CD320: variants seen among roughly 807,000 people sequenced by gnomAD.
CD320 encodes the protein CD320 antigen.
In CD320, 16 loss-of-function variants were observed where a neutral mutation model predicts 22.1. The observed-to-expected ratio is 0.73, with a 90% CI of 0.49 to 1.10. The LOEUF (loss-of-function observed/expected upper bound fraction) is 1.10. Among genes scored for constraint, CD320 ranks in the 50% least tolerant of loss-of-function variants. CD320 has a pLI of 0.00. For synonymous variants in CD320, 188 were observed against 167.8 expected (o/e 1.12, Z -0.93); for missense variants, 388 against 376.9 (o/e 1.03, Z -0.24).
intron 1 of CD320, 199 bp from the exon 2 acceptor site, chr19:8,305,355 G>T: frequency 1.7e-6 from 1 of 588,050 alleles, no homozygotes. Flanking sequence ...GAGCCCCACT[G>T]GGCAGGTGCT....
intron 1 of CD320, among the ~76,000 whole-genome samples, chr19:8,306,639 C>T (rs1970092042): frequency 6.6e-6 from 1 of 152,230 alleles, no homozygotes; most frequent in African/African-American, 2.4e-5. Context: ...CACTGCCAGC[C>T]CCTCCTCGGC....
chr19:8,308,357 G>T lies in CD320; in HGVS notation c.-67C>A. 1 of 1,542,608 alleles carries T rather than the reference G, an allele frequency of 6.5e-7. No homozygotes were observed. Among genetic ancestry groups the T allele is most frequent in the Non-Finnish European group, 8.7e-7 (1 of 1,149,896 alleles). On this transcript the variant is annotated 5_prime_UTR_variant, in exon 1 of 5. Coordinates refer to ENST00000301458, the MANE Select transcript of CD320 (RefSeq NM_016579.4). The stretch of plus-strand genomic sequence containing the variant: ...CTCTCTTATCCCTGCGCACGCGCAC[G>T]CGCGGGGTTGGGGCGGGGCCCAAGC...
chr19:8,306,985 C>T (rs1423386545), intron 1 of CD320, among the ~76,000 whole-genome samples: 1 of 152,134 alleles, frequency 6.6e-6, no homozygotes, highest in African/African-American at 2.4e-5. Context: ...CTGGGAATCC[C>T]TACCTCAACA....
Position 8,302,601 on chromosome 19 carries a change from C to T in CD320, c.711G>A (p.Val237=). The T allele has an allele frequency of 6.2e-7, 1 of 1,613,592 alleles. No individual in the cohort carries two copies. The change falls in exon 5 of 5, where the codon GTG becomes GTA. Residue 237 remains valine, a synonymous_variant. Coordinates refer to ENST00000301458, the MANE Select transcript of CD320 (RefSeq NM_016579.4). ...TAYGVIAAAA[V]LSASLVTATL... is the part of the protein sequence containing the mutation. ...TGGCGGTGACCAGGCTTGCACTGAG[C>T]ACCGCTGTGGGGAACAGATGGACAG...
chr19:8,303,747 C>T, intron 3 of CD320, 108 bp downstream of exon 3: 2 of 755,280 alleles, frequency 2.6e-6, no homozygotes, highest in South Asian at 1.5e-5. Flanking sequence ...CACAGGGATG[C>T]AGGCACGGGC....
chr19:8,302,704 AT>A, intron 4 of CD320, 72 bp downstream of exon 4: 1 of 1,603,698 alleles, frequency 6.2e-7, no homozygotes, highest in Non-Finnish European at 8.5e-7. Flanking sequence ...TCTGCAGCTC[AT>A]CCCTCCCCAC....
rs1289638676 is a variant in CD320, at chr19:8,308,321, T to G, written c.-31A>C. Reference sequence around the variant, plus strand: ...CCCCACAGCGGCGCCGGCCACGCGCTGTCCAGACCGCTCTCTTATCCCTGC... The same window carrying G: ...CCCCACAGCGGCGCCGGCCACGCGCGGTCCAGACCGCTCTCTTATCCCTGC... On this transcript the variant is annotated 5_prime_UTR_variant, in exon 1 of 5. Transcript: ENST00000301458. The G allele has an allele frequency of 6.3e-7, 1 of 1,578,626 alleles. No homozygotes were observed. Among genetic ancestry groups the G allele is most frequent in the South Asian group, 1.1e-5 (1 of 87,958 alleles).
In CD320 at chr19:8,304,013, T is replaced by C. The variant is rs939686446; in HGVS notation, c.344A>G (p.Asp115Gly). 12 of 1,567,696 alleles carry C rather than the reference T, an allele frequency of 7.7e-6. No homozygotes were observed. Among genetic ancestry groups the C allele is most frequent in the Non-Finnish European group, 1.7e-6 (2 of 1,156,088 alleles). ...GLPCPCTGVS[D>G]CSGGTDKKLR... ...TTTCTTGTCAGTTCCCCCAGAGCAG[T>C]CACTGACGCCGGTGCAGGGGCAGGG... Residue 115 changes from aspartate (D) to glycine (G), a missense_variant, in exon 3 of 5, where the codon GAC becomes GGC. Physicochemically the swap from Asp to Gly is moderately conservative, Grantham distance 94. Coordinates refer to ENST00000301458, the MANE Select transcript of CD320 (RefSeq NM_016579.4).
At chr19:8,303,130 TTTTG>T in intron 3 of CD320, 150 bp from the exon 4 acceptor site, 10 of 682,050 alleles carry the variant, frequency 1.5e-5, no homozygotes, top group Admixed American at 5.3e-5. Context: ...TTTTTTTTTT[TTTTG>T]GAGAGGGAGT....
At position 8,302,855 on chromosome 19, in the gene CD320, A is replaced by G; in HGVS notation, c.628T>C (p.Ser210Pro). The G allele has an allele frequency of 6.2e-7, 1 of 1,614,064 alleles. No homozygotes were observed. The highest frequency in any genetic ancestry group is 1.3e-5 in the African/African-American group (1 of 75,018). ...GAGGAGGATGTGGCATTCCCGACAG[A>G]GGGGACACTCTCCAGGGTCACAGGG... ...GPPVTLESVP[S>P]VGNATSSSAG... The change falls in exon 4 of 5, where the codon TCT becomes CCT. Residue 210 changes from serine to proline, a missense_variant. Physicochemically the swap from Ser to Pro is moderately conservative, Grantham distance 74 (BLOSUM62 -1). Coordinates refer to ENST00000301458, the MANE Select transcript of CD320 (RefSeq NM_016579.4).
chr19:8,304,987 G>T, intron 2 of CD320, 44 bp downstream of exon 2: 1 of 1,596,698 alleles, frequency 6.3e-7, no homozygotes, highest in Non-Finnish European at 8.5e-7. Flanking sequence ...ACCACCCTCA[G>T]GCCCCGCCCC....
intron 1 of CD320, 37 bp downstream of exon 1, chr19:8,308,112 C>T: frequency 1.4e-6 from 2 of 1,445,282 alleles, no homozygotes; most frequent in Non-Finnish European, 1.8e-6. Context: ...CGAAGCCTCG[C>T]GAGGGGTGGG....
chr19:8,305,076 C>G lies in CD320; in HGVS notation c.223G>C (p.Asp75His). 6.2e-7 allele frequency: 1 copy of G among 1,612,454 alleles called. No homozygotes were observed. The highest frequency in any genetic ancestry group is 8.5e-7 in the Non-Finnish European group (1 of 1,179,924). Residue 75 changes from aspartate to histidine, a missense_variant, in exon 2 of 5, where the codon GAC (aspartate) becomes CAC (histidine). Asp to His is a moderately conservative substitution (Grantham distance 81). Transcript: ENST00000301458. Reference protein sequence around the residue: ...GLCVPLTWRCDRDLDCSDGSD... With the variant: ...GLCVPLTWRCHRDLDCSDGSD... ...CCATCGCTGCAGTCCAAGTCCCTGT[C>G]GCAGCGCCAGGTGAGGGGCACGCAT...
chr19:8,305,499 C>A (rs965184039), intron 1 of CD320: 10 of 305,734 alleles, frequency 3.3e-5, no homozygotes, highest in Non-Finnish European at 5.9e-5. Context: ...CTTGAGGTCA[C>A]GAGTTCGAGA....
At position 8,308,133 on chromosome 19, in the gene CD320, G is replaced by A; in HGVS notation, c.142+16C>T. 6.7e-7 allele frequency: 1 copy of A among 1,489,048 alleles called. No individual in the cohort carries two copies. The highest frequency in any genetic ancestry group is 1.3e-5 in the South Asian group (1 of 75,612). 92.2% of individuals were successfully genotyped at this position (1,489,048 alleles called of 1,614,324 possible). On this transcript the variant is annotated intron_variant, in intron 1 of 4. Transcript: ENST00000301458. ...CTCGCGAGGGGTGGGAGCCCGCGCTGCGGGGCGTCACTCACCTGCGGCCTG... is the reference window on the plus strand; with the variant it reads ...CTCGCGAGGGGTGGGAGCCCGCGCTACGGGGCGTCACTCACCTGCGGCCTG...
At chr19:8,307,478 G>A (rs1568559127) in intron 1 of CD320, among the ~76,000 whole-genome samples, 2 of 152,154 alleles carry the variant, frequency 1.3e-5, no homozygotes, top group Non-Finnish European at 2.9e-5. Context: ...TGCAAGTTGG[G>A]AGTGCCTGAG....
chr19:8,308,312 G>A lies in CD320; in HGVS notation c.-22C>T, dbSNP rs1168304801. On this transcript the variant is annotated 5_prime_UTR_variant, in exon 1 of 5. Transcript: ENST00000301458. ...TCATGCTGTCCCCACAGCGGCGCCG[G>A]CCACGCGCTGTCCAGACCGCTCTCT... 6.3e-7 allele frequency: 1 copy of A among 1,581,016 alleles called. No individual in the cohort carries two copies. The highest frequency in any genetic ancestry group is 1.7e-5 in the Admixed American group (1 of 57,868).
chr19:8,302,663 CACCAAGCTCCAT>C, intron 4 of CD320, 58 bp from the exon 5 acceptor site: 1 of 1,607,358 alleles, frequency 6.2e-7, no homozygotes, highest in South Asian at 1.1e-5. Context: ...CCCCCACACC[CACCAAGCTCCAT>C]ACACATGGGG....
At chr19:8,303,113 TC>T (rs1162850561) in intron 3 of CD320, 133 bp from the exon 4 acceptor site, 15 of 624,350 alleles carry the variant, frequency 2.4e-5, no homozygotes, top group Middle Eastern at 4.3e-4. Flanking sequence ...CGTAATTATG[TC>T]TTTTTTTTTT....
Sources: allele counts gnomAD v4.1 joint callset (sites outside exome capture counted in the v4.1 genomes callset), GRCh38; gene constraint gnomAD v4.1.1; transcripts MANE v1.5; gene names NCBI Gene and HGNC (gene_info 2026-07-23, HGNC 2026-07-21).